Variants in SGCZ observed in about 807,000 individuals in gnomAD.
SGCZ encodes the protein zeta-sarcoglycan.
In SGCZ, 40 loss-of-function variants were observed where a neutral mutation model predicts 41.3. The observed-to-expected ratio is 0.97, with a 90% CI of 0.75 to 1.26. The LOEUF (loss-of-function observed/expected upper bound fraction) is 1.26, where lower values mean the gene tolerates loss of function less well. Among genes scored for constraint, SGCZ ranks in the 50% most tolerant of loss-of-function variants. SGCZ has a pLI of 0.00. For missense variants in SGCZ, 552 were observed against 369.8 expected, an observed-to-expected ratio of 1.49 and a Z score of -4.04; for synonymous variants, 206 against 137.5, an observed-to-expected ratio of 1.50 and a Z score of -3.49.
intron 2 of SGCZ, among the ~76,000 whole-genome samples, chr8:14,368,935 G>C (rs1280897277): frequency 1.3e-5 from 2 of 151,742 alleles, no homozygotes; most frequent in Non-Finnish European, 2.9e-5. Flanking sequence ...TTTTAACTAG[G>C]ACTGTGCTGT....
In SGCZ at chr8:14,738,295, A is replaced by C. The variant is rs1027200702; in HGVS notation, c.40-183369T>G. ...GAATTCTCCCCTCTTGTACAGCCTC[A>C]GTATTTTTCTTTCCACAAGATTTTC... On this transcript the variant is annotated intron_variant, in intron 1 of 7. Coordinates refer to ENST00000382080, the MANE Select transcript of SGCZ (RefSeq NM_139167.4). Among the ~76,000 whole-genome samples, 3 of 152,094 alleles carry C rather than the reference A, an allele frequency of 2.0e-5. No individual in the cohort carries two copies. In the East Asian group the frequency reaches 5.8e-4, roughly 29 times the overall value.
intron 2 of SGCZ, among the ~76,000 whole-genome samples, chr8:14,412,628 T>C (rs1799390768): frequency 6.6e-6 from 1 of 152,068 alleles, no homozygotes; most frequent in Non-Finnish European, 1.5e-5. Context: ...TAACCTAACC[T>C]TTTAATCTGC....
At chr8:14,834,193 C>T (rs1802622413) in intron 1 of SGCZ, among the ~76,000 whole-genome samples, 1 of 151,988 alleles carries the variant, frequency 6.6e-6, no homozygotes, top group Non-Finnish European at 1.5e-5. Flanking sequence ...CAACTGTGTC[C>T]TTCCTTAAAG....
intron 1 of SGCZ, among the ~76,000 whole-genome samples, chr8:15,004,567 C>T (rs1037591085): frequency 1.3e-5 from 2 of 152,162 alleles, no homozygotes; most frequent in African/African-American, 4.8e-5. Context: ...GTGTCTCATT[C>T]TGTTTCAGCA....
intron 2 of SGCZ, among the ~76,000 whole-genome samples, chr8:14,462,277 G>T (rs1029177839): frequency 2.0e-5 from 3 of 149,266 alleles, no homozygotes; most frequent in Non-Finnish European, 4.5e-5. Context: ...AGAGGTGCAA[G>T]AAAAAAAAAT....
intron 1 of SGCZ, among the ~76,000 whole-genome samples, chr8:14,632,474 T>C (rs1184410808): frequency 1.3e-5 from 2 of 152,150 alleles, no homozygotes; most frequent in Admixed American, 1.3e-4. Context: ...AATTCACTGC[T>C]GTTATTCAAC....
At position 14,198,816 on chromosome 8, in the gene SGCZ, G is replaced by T. The variant is rs554177661; in HGVS notation, c.425-34114C>A. Among the ~76,000 whole-genome samples the T allele has an allele frequency of 7.6e-4, 115 of 152,222 alleles. 3 individuals carry two copies. In the South Asian group the frequency reaches 0.023, roughly 30 times the overall value. ...AAAATTTCTTATGCCTGTCTTTACTGCAATCTCTGAACATACATTGTGAAG... is the reference window on the plus strand; with the variant it reads ...AAAATTTCTTATGCCTGTCTTTACTTCAATCTCTGAACATACATTGTGAAG... On this transcript the variant is annotated intron_variant, in intron 4 of 7. Transcript: ENST00000382080.
chr8:14,155,687 T>C (rs899723095), intron 5 of SGCZ, among the ~76,000 whole-genome samples: 1 of 150,530 alleles, frequency 6.6e-6, no homozygotes, highest in African/African-American at 2.4e-5. Context: ...AAACGTATTG[T>C]CATTATATAT....
chr8:14,426,744 T>C (rs1472637341), intron 2 of SGCZ, among the ~76,000 whole-genome samples: 2 of 151,992 alleles, frequency 1.3e-5, no homozygotes. Context: ...CAACTGGAAG[T>C]AATAAAAAGT....
intron 3 of SGCZ, among the ~76,000 whole-genome samples, chr8:14,301,690 G>A (rs186122911): frequency 1.2e-4 from 19 of 152,130 alleles, no homozygotes; most frequent in Admixed American, 9.2e-4. Context: ...AAACCCATTT[G>A]ACAAAAGGTA....
intron 2 of SGCZ, among the ~76,000 whole-genome samples, chr8:14,342,356 G>A (rs572965024): frequency 2.8e-4 from 43 of 152,074 alleles, no homozygotes; most frequent in Middle Eastern, 3.4e-3. Flanking sequence ...TCACTCTGTC[G>A]CCCAGGCTGG....
At chr8:14,472,794 G>A (rs1177480220) in intron 2 of SGCZ, among the ~76,000 whole-genome samples, 1 of 151,946 alleles carries the variant, frequency 6.6e-6, no homozygotes, top group African/African-American at 2.4e-5. Context: ...AACTAATATT[G>A]TACCTATAAA....
chr8:14,178,728 T>C (rs1804629974), intron 4 of SGCZ, among the ~76,000 whole-genome samples: 1 of 152,242 alleles, frequency 6.6e-6, no homozygotes, highest in African/African-American at 2.4e-5. Context: ...GAATGATGAC[T>C]AGTTTTGTCT....
intron 4 of SGCZ, among the ~76,000 whole-genome samples, chr8:14,179,890 T>A (rs1804666304): frequency 6.6e-6 from 1 of 151,992 alleles, no homozygotes; most frequent in Non-Finnish European, 1.5e-5. Flanking sequence ...TGAAAAAAAA[T>A]CATCACTGGA....
chr8:14,702,731 TGATAGATAGATA>T lies in SGCZ; in HGVS notation c.40-147817_40-147806del, dbSNP rs35625599. On this transcript the variant is annotated intron_variant, in intron 1 of 7. Coordinates refer to ENST00000382080, the MANE Select transcript of SGCZ (RefSeq NM_139167.4). The stretch of plus-strand genomic sequence containing the variant: ...TATCAGCAAATTCTGCTGGCTTCAA[TGATAGATAGATA>T]GATAGATAGATAGATAGATAGATAG... 6.0e-4 allele frequency among the ~76,000 whole-genome samples: 55 copies of T among 91,264 alleles called. 1 individual carries two copies. Among genetic ancestry groups the T allele is most frequent in the African/African-American group, 1.7e-3 (49 of 28,070 alleles). The allele number at this position is 91,264 out of a possible 152,430, so 59.9% of individuals were successfully genotyped here.
intron 1 of SGCZ, among the ~76,000 whole-genome samples, chr8:14,718,853 A>AT (rs1210297566): frequency 6.8e-6 from 1 of 147,564 alleles, no homozygotes. Context: ...ATATATATAT[A>AT]TTTTTATTAT....
chr8:14,371,919 G>T (rs1803925521), intron 2 of SGCZ, among the ~76,000 whole-genome samples: 1 of 151,992 alleles, frequency 6.6e-6, no homozygotes, highest in Admixed American at 6.6e-5. Context: ...ATCAATATAG[G>T]CTGGAATAAA....
chr8:14,845,709 G>A (rs114307529), intron 1 of SGCZ, among the ~76,000 whole-genome samples: 1 of 152,172 alleles, frequency 6.6e-6, no homozygotes, highest in East Asian at 1.9e-4. Context: ...TTCACAGAAA[G>A]GAATTAATGG....
chr8:15,110,803 T>C (rs1249948062), intron 1 of SGCZ, among the ~76,000 whole-genome samples: 1 of 152,026 alleles, frequency 6.6e-6, no homozygotes, highest in Non-Finnish European at 1.5e-5. Context: ...ACCCTGTCTC[T>C]ACTAAAAATA....
Sources: allele counts gnomAD v4.1 joint callset (sites outside exome capture counted in the v4.1 genomes callset), GRCh38; gene constraint gnomAD v4.1.1; transcripts MANE v1.5; gene names NCBI Gene and HGNC (gene_info 2026-07-23, HGNC 2026-07-21).